The following ADK variants were observed in gnomAD, a reference collection of about 807,000 sequenced individuals.
The protein encoded by ADK is adenosine kinase.
A neutral mutation model predicts 44.7 loss-of-function variants in ADK; 24 were observed. The observed-to-expected ratio is 0.54, with a 90% CI of 0.39 to 0.76. The LOEUF is 0.76. ADK is among the 30% of genes least tolerant of loss of function. The pLI, the probability that ADK is intolerant of heterozygous loss-of-function variation, is 0.00. For synonymous variants in ADK, 128 were observed against 142.6 expected, an observed-to-expected ratio of 0.90 and a Z score of 0.73; for missense variants, 321 against 425.1, an observed-to-expected ratio of 0.76 and a Z score of 2.15.
chr10:74,492,823 C>G (rs1028963723), intron 6 of ADK, among the ~76,000 whole-genome samples: 3 of 151,982 alleles, frequency 2.0e-5, no homozygotes, highest in Non-Finnish European at 4.4e-5. Flanking sequence ...CTGTTTTATC[C>G]TATTGCTGAT....
At chr10:74,503,475 G>A (rs966667686) in intron 6 of ADK, among the ~76,000 whole-genome samples, 26 of 152,140 alleles carry the variant, frequency 1.7e-4, no homozygotes, top group African/African-American at 6.3e-4. Flanking sequence ...GTCATTTAAG[G>A]TTTTTTGAAC....
Position 74,604,625 on chromosome 10 carries a change from A to C in ADK, c.877+4132A>C, listed in dbSNP as rs143262251. Among the ~76,000 whole-genome samples, 304 of 152,178 alleles carry C rather than the reference A, an allele frequency of 2.0e-3. 12 individuals carry two copies. In the East Asian group the frequency reaches 0.05, roughly 25 times the overall value. On this transcript the variant is annotated intron_variant, in intron 9 of 10. Transcript: ENST00000539909. ...TCCATTGATCTATATATCTGTTTTC[A>C]TACCAGTACCATGCTGTTTTGGTTA...
chr10:74,175,697 G>T (rs931642413), intron 1 of ADK, among the ~76,000 whole-genome samples: 4 of 152,068 alleles, frequency 2.6e-5, no homozygotes, highest in Admixed American at 6.6e-5. Context: ...AGGCCAAGGT[G>T]GGAGGGTTGC....
At chr10:74,438,632 A>G (rs1845276555) in intron 6 of ADK, among the ~76,000 whole-genome samples, 1 of 152,106 alleles carries the variant, frequency 6.6e-6, no homozygotes, top group Non-Finnish European at 1.5e-5. Context: ...TGTATACTCT[A>G]TAGTGATGAG....
At chr10:74,453,871 A>G (rs1243830666) in intron 6 of ADK, among the ~76,000 whole-genome samples, 1 of 152,080 alleles carries the variant, frequency 6.6e-6, no homozygotes, top group Non-Finnish European at 1.5e-5. Context: ...TTGGAGAATA[A>G]TAAGAATTGA....
chr10:74,700,489 C>A (rs1287170176), intron 10 of ADK, among the ~76,000 whole-genome samples: 1 of 152,034 alleles, frequency 6.6e-6, no homozygotes, highest in Non-Finnish European at 1.5e-5. Flanking sequence ...GTGATCCACC[C>A]GCCTCAGCCT....
intron 6 of ADK, among the ~76,000 whole-genome samples, chr10:74,432,928 C>G (rs1845049891): frequency 6.6e-6 from 1 of 152,016 alleles, no homozygotes; most frequent in Non-Finnish European, 1.5e-5. Flanking sequence ...ATTCTGGAAC[C>G]TTTTTGCTTC....
intron 6 of ADK, among the ~76,000 whole-genome samples, chr10:74,400,111 G>A (rs899281304): frequency 4.6e-5 from 7 of 152,020 alleles, no homozygotes; most frequent in Admixed American, 6.6e-5. Context: ...TTATACTTAC[G>A]TGCAATTTTG....
chr10:74,576,879 C>T (rs1260703905), intron 7 of ADK, among the ~76,000 whole-genome samples: 1 of 152,038 alleles, frequency 6.6e-6, no homozygotes, highest in African/African-American at 2.4e-5. Context: ...TGTGTTATCT[C>T]ACATTCTGAA....
At chr10:74,598,441 C>CTTTTTT (rs915433699) in intron 8 of ADK, among the ~76,000 whole-genome samples, 3 of 111,772 alleles carry the variant, frequency 2.7e-5, no homozygotes, top group East Asian at 2.5e-4. Context: ...AATCTTATTC[C>CTTTTTT]TTTTTTTTTT....
At chr10:74,461,275 A>G (rs1023707206) in intron 6 of ADK, among the ~76,000 whole-genome samples, 10 of 152,240 alleles carry the variant, frequency 6.6e-5, no homozygotes, top group Admixed American at 3.9e-4. Context: ...CTCAGCTAAC[A>G]TCTGATTTTA....
chr10:74,484,297 G>C (rs1286513506), intron 6 of ADK, among the ~76,000 whole-genome samples: 1 of 152,106 alleles, frequency 6.6e-6, no homozygotes, highest in East Asian at 1.9e-4. Flanking sequence ...TTAACATCCA[G>C]ATCTCATTGA....
At chr10:74,488,438 A>T (rs2133382236) in intron 6 of ADK, among the ~76,000 whole-genome samples, 1 of 151,042 alleles carries the variant, frequency 6.6e-6, no homozygotes, top group African/African-American at 2.4e-5. Context: ...ACATATACGT[A>T]AATAGCATAG....
chr10:74,551,215 T>C (rs1484008307), intron 7 of ADK, among the ~76,000 whole-genome samples: 1 of 152,168 alleles, frequency 6.6e-6, no homozygotes, highest in Non-Finnish European at 1.5e-5. Context: ...GATATTCATA[T>C]GGAAAAAATT....
chr10:74,250,979 C>T (rs1328890901), intron 3 of ADK, among the ~76,000 whole-genome samples: 1 of 152,030 alleles, frequency 6.6e-6, no homozygotes, highest in African/African-American at 2.4e-5. Flanking sequence ...TGAGCTCAAG[C>T]GATTCTTCCA....
chr10:74,169,906 CT>C (rs1333952021), intron 1 of ADK, among the ~76,000 whole-genome samples: 2 of 152,134 alleles, frequency 1.3e-5, no homozygotes, highest in Non-Finnish European at 2.9e-5. Flanking sequence ...CTATAACAAA[CT>C]CCTTTGTGTT....
intron 6 of ADK, among the ~76,000 whole-genome samples, chr10:74,429,595 T>G (rs1170623703): frequency 6.6e-6 from 1 of 152,164 alleles, no homozygotes; most frequent in Non-Finnish European, 1.5e-5. Flanking sequence ...ATAATATTAA[T>G]AGACTTTGAG....
intron 3 of ADK, among the ~76,000 whole-genome samples, chr10:74,300,448 C>T (rs1839991847): frequency 6.6e-6 from 1 of 151,660 alleles, no homozygotes; most frequent in Non-Finnish European, 1.5e-5. Flanking sequence ...GCTGTCTTGG[C>T]TCACTGCAAC....
chr10:74,352,957 C>T (rs1352888760), intron 4 of ADK, among the ~76,000 whole-genome samples: 1 of 152,198 alleles, frequency 6.6e-6, no homozygotes, highest in Non-Finnish European at 1.5e-5. Flanking sequence ...TGCTTTTACA[C>T]TGTTGGTGGG....
Sources: allele counts gnomAD v4.1 joint callset (sites outside exome capture counted in the v4.1 genomes callset), GRCh38; gene constraint gnomAD v4.1.1; transcripts MANE v1.5; gene names NCBI Gene and HGNC (gene_info 2026-07-23, HGNC 2026-07-21).